Variants in CLIP1 observed in about 807,000 individuals in gnomAD.
The protein encoded by CLIP1 is CAP-Gly domain-containing linker protein 1.
Under a neutral mutation model 161.6 loss-of-function variants are expected in CLIP1, and 66 were observed. That is an observed-to-expected ratio of 0.41 (90% CI 0.33 to 0.50). The LOEUF (loss-of-function observed/expected upper bound fraction) is 0.50, where lower values mean the gene tolerates loss of function less well. CLIP1 is among the 20% of genes least tolerant of loss of function. The pLI is 0.27. For missense variants in CLIP1, 1,376 were observed against 1,702.0 expected (o/e 0.81, Z 3.37); for synonymous variants, 598 against 626.2 (o/e 0.96, Z 0.67).
At chr12:122,362,351 G>GT (rs1460382729) in intron 4 of CLIP1, among the ~76,000 whole-genome samples, 6 of 150,878 alleles carry the variant, frequency 4.0e-5, no homozygotes, top group African/African-American at 1.5e-4. Flanking sequence ...GAAAAATCTA[G>GT]TTAAAAAAAA....
chr12:122,299,612 C>CAAAAAAAAAAACAAAAAAAAACAAA (rs1950601833), intron 20 of CLIP1, among the ~76,000 whole-genome samples: 2 of 62,500 alleles, frequency 3.2e-5, no homozygotes, highest in African/African-American at 1.4e-4. Flanking sequence ...ATAAATTCAG[C>CAAAAAAAAAAACAAAAAAAAACAAA]AAAAAAAAAA....
chr12:122,380,503 C>T lies in CLIP1; in HGVS notation c.-51G>A. 1 of 1,169,258 alleles carries T rather than the reference C, an allele frequency of 8.6e-7. No homozygotes were observed. Among genetic ancestry groups the T allele is most frequent in the Non-Finnish European group, 1.3e-6 (1 of 786,436 alleles). The allele number at this position is 1,169,258 out of a possible 1,614,324, so 72.4% of individuals were successfully genotyped here. A position where few individuals can be genotyped will look rare whatever the true frequency, so the allele number is the denominator to read the frequency against. The stretch of plus-strand genomic sequence containing the variant: ...TCCTTTGCCTGTTGCCACTATCTTT[C>T]CCCAACCATTGATACAACTGTGGGT... On this transcript the variant is annotated 5_prime_UTR_variant, in exon 2 of 26. Transcript: ENST00000620786.
intron 1 of CLIP1, among the ~76,000 whole-genome samples, chr12:122,385,730 T>C (rs1166291562): frequency 6.6e-6 from 1 of 152,172 alleles, no homozygotes; most frequent in African/African-American, 2.4e-5. Context: ...GTGGCAGCGC[T>C]TGAAAGGATC....
intron 20 of CLIP1, among the ~76,000 whole-genome samples, chr12:122,291,046 C>A (rs1950229140): frequency 6.6e-6 from 1 of 151,858 alleles, no homozygotes; most frequent in Admixed American, 6.6e-5. Flanking sequence ...GCGCTGCCAC[C>A]ATGCCTGGAT....
intron 7 of CLIP1, 148 bp from the exon 8 acceptor site, chr12:122,352,934 G>A (rs1332128273): frequency 1.8e-5 from 12 of 664,546 alleles, no homozygotes; most frequent in Admixed American, 7.0e-5. Context: ...CAGGAGGATC[G>A]CTTGAGGCCA....
chr12:122,375,806 CTCT>C (rs1046103799), intron 3 of CLIP1, among the ~76,000 whole-genome samples: 22 of 99,524 alleles, frequency 2.2e-4, no homozygotes, highest in South Asian at 1.2e-3. Flanking sequence ...AATAAAGTTA[CTCT>C]TTTTTTTTTT....
At position 122,278,881 on chromosome 12, in the gene CLIP1, A is replaced by G. The variant is rs1027012762; in HGVS notation, c.3827T>C (p.Leu1276Pro). 6.2e-7 allele frequency: 1 copy of G among 1,613,398 alleles called. No individual in the cohort carries two copies. The highest frequency in any genetic ancestry group is 8.5e-7 in the Non-Finnish European group (1 of 1,179,790). The change falls in exon 23 of 26, where the codon CTA becomes CCA. Residue 1276 changes from leucine (L) to proline (P), a missense_variant. Around this residue, in one of 6 missense-constraint regions of CLIP1, gnomAD observed 948 missense variants for 1,134.8 expected, o/e 0.84. Coordinates refer to ENST00000620786, the MANE Select transcript of CLIP1 (RefSeq NM_001247997.2). The stretch of plus-strand genomic sequence containing the variant: ...CTCGAGCTTCACCTTATCAGACTCT[A>G]GAGTCTGAACAACTGAATGCAAGGA... ...AKSLHSVVQT[L>P]ESDKVKLELK...
intron 1 of CLIP1, among the ~76,000 whole-genome samples, chr12:122,392,391 CTA>C (rs748251830): frequency 4.0e-4 from 61 of 152,308 alleles, no homozygotes; most frequent in Non-Finnish European, 7.6e-4. Flanking sequence ...AAGCAATCCC[CTA>C]TAACCTGCCT....
At chr12:122,292,731 C>G (rs150289369) in intron 20 of CLIP1, among the ~76,000 whole-genome samples, 2 of 152,096 alleles carry the variant, frequency 1.3e-5, no homozygotes, top group Non-Finnish European at 2.9e-5. Flanking sequence ...TGGCCGGGCA[C>G]GGTGGCTCAA....
At chr12:122,350,821 G>C (rs777948668) in intron 9 of CLIP1, among the ~76,000 whole-genome samples, 4 of 151,624 alleles carry the variant, frequency 2.6e-5, no homozygotes, top group Non-Finnish European at 5.9e-5. Flanking sequence ...AGGTGAAGAA[G>C]GCCAGGTCTC....
intron 3 of CLIP1, among the ~76,000 whole-genome samples, chr12:122,374,885 A>C (rs748430158): frequency 1.2e-4 from 18 of 152,184 alleles, no homozygotes; most frequent in Non-Finnish European, 2.5e-4. Flanking sequence ...AAAGCTGACA[A>C]GTCACCTCCT....
chr12:122,301,485 C>T (rs938843571), intron 20 of CLIP1, among the ~76,000 whole-genome samples: 19 of 152,118 alleles, frequency 1.2e-4, no homozygotes. Flanking sequence ...ACAAGCCTGG[C>T]CAATATGGCG....
chr12:122,345,450 C>T (rs1952702078), intron 10 of CLIP1, among the ~76,000 whole-genome samples: 1 of 152,068 alleles, frequency 6.6e-6, no homozygotes, highest in South Asian at 2.1e-4. Flanking sequence ...CATGAAACAC[C>T]ATGCCTGGCC....
At position 122,278,812 on chromosome 12, in the gene CLIP1, C is replaced by G. The variant is rs1955534703; in HGVS notation, c.3896G>C (p.Arg1299Thr). The change falls in exon 23 of 26, where the codon AGG becomes ACG. Residue 1299 changes from arginine to threonine, a missense_variant. Arg to Thr is a moderately conservative substitution (Grantham distance 71). Transcript: ENST00000620786. ...TTTACCTGAGGAGCTGCTGAGCTGCCTCTTGTTTTCTTTGAGTTGAAGCTC... is the reference window on the plus strand; with the variant it reads ...TTTACCTGAGGAGCTGCTGAGCTGCGTCTTGTTTTCTTTGAGTTGAAGCTC... ...NLELQLKENK[R>T]QLSSSSGNTD... 6.2e-7 allele frequency: 1 copy of G among 1,605,502 alleles called. No individual in the cohort carries two copies. The highest frequency in any genetic ancestry group is 1.7e-5 in the Admixed American group (1 of 58,786).
At chr12:122,338,985 T>A (rs1377998679) in intron 11 of CLIP1, among the ~76,000 whole-genome samples, 1 of 152,166 alleles carries the variant, frequency 6.6e-6, no homozygotes, top group Non-Finnish European at 1.5e-5. Context: ...ATCACAACCC[T>A]TCCTTCTTTG....
intron 20 of CLIP1, among the ~76,000 whole-genome samples, chr12:122,295,652 T>G (rs562747004): frequency 6.6e-6 from 1 of 152,310 alleles, no homozygotes; most frequent in South Asian, 2.1e-4. Flanking sequence ...ATTCAAGTCT[T>G]CTGTTTCCTT....
chr12:122,300,167 G>A (rs1950627268), intron 20 of CLIP1, among the ~76,000 whole-genome samples: 1 of 152,158 alleles, frequency 6.6e-6, no homozygotes, highest in South Asian at 2.1e-4. Context: ...CTACCTGGGA[G>A]GCTGAGGTGG....
At chr12:122,395,719 A>G (rs371685372) in intron 1 of CLIP1, 1 of 152,330 alleles carries the variant, frequency 6.6e-6, no homozygotes, top group African/African-American at 2.4e-5. Flanking sequence ...TCATGTACGC[A>G]TATCTGTATT....
intron 20 of CLIP1, among the ~76,000 whole-genome samples, chr12:122,298,000 G>A (rs886158349): frequency 6.6e-6 from 1 of 152,140 alleles, no homozygotes; most frequent in Non-Finnish European, 1.5e-5. Flanking sequence ...AGTTTGGGAC[G>A]AATCTGCATG....
Sources: allele counts gnomAD v4.1 joint callset (sites outside exome capture counted in the v4.1 genomes callset), GRCh38; gene constraint gnomAD v4.1.1; regional missense constraint gnomAD v4.1.1; transcripts MANE v1.5; gene names NCBI Gene and HGNC (gene_info 2026-07-23, HGNC 2026-07-21).